SCN2A: variants seen among roughly 807,000 people sequenced by gnomAD.
SCN2A encodes sodium voltage-gated channel alpha subunit 2.
SCN2A carries 20 observed loss-of-function variants against 188.7 expected under a neutral mutation model. That is an observed-to-expected ratio of 0.11 (90% CI 0.07 to 0.15). The LOEUF (loss-of-function observed/expected upper bound fraction) is 0.15. SCN2A is among the 10% of genes least tolerant of loss of function. SCN2A has a pLI of 1.00. For missense variants in SCN2A, 1,278 were observed against 2,445.0 expected, an observed-to-expected ratio of 0.52 and a Z score of 10.07; for synonymous variants, 804 against 833.1, an observed-to-expected ratio of 0.97 and a Z score of 0.60.
intron 1 of SCN2A, among the ~76,000 whole-genome samples, chr2:165,256,840 A>G (rs986577610): frequency 2.6e-5 from 4 of 152,170 alleles, no homozygotes; most frequent in African/African-American, 9.7e-5. Flanking sequence ...AAGATACTCT[A>G]TGCTGTATAA....
At chr2:165,256,673 GCTAA>G (rs1339820649) in intron 1 of SCN2A, among the ~76,000 whole-genome samples, 2 of 152,098 alleles carry the variant, frequency 1.3e-5, no homozygotes, top group South Asian at 2.1e-4. Flanking sequence ...GGACTCCCTT[GCTAA>G]CTGTCAGCTT....
chr2:165,291,572 C>CTCTCTCT (rs1553563652), intron 1 of SCN2A, among the ~76,000 whole-genome samples: 2 of 66,214 alleles, frequency 3.0e-5, no homozygotes, highest in African/African-American at 9.5e-5. Flanking sequence ...TTCCTTCCTT[C>CTCTCTCT]CTTTCTCTCT....
intron 16 of SCN2A, among the ~76,000 whole-genome samples, chr2:165,351,179 C>A (rs899981328): frequency 6.6e-6 from 1 of 152,252 alleles, no homozygotes; most frequent in East Asian, 1.9e-4. Flanking sequence ...ATGTGCTCCT[C>A]TATGTCAAGT....
At chr2:165,370,842 A>G (rs1416578616) in intron 20 of SCN2A, 1 of 157,114 alleles carries the variant, frequency 6.4e-6, no homozygotes, top group African/African-American at 2.4e-5. Context: ...AATAAGATAG[A>G]GTACTAAAAT....
intron 6 of SCN2A, 23 bp downstream of exon 6, chr2:165,309,466 A>C (rs772333935): frequency 1.2e-6 from 2 of 1,613,170 alleles, no homozygotes; most frequent in South Asian, 2.2e-5. Flanking sequence ...TTAAACACCG[A>C]GGCTGACTTT....
At chr2:165,377,447 A>C in intron 22 of SCN2A, 150 bp from the exon 23 acceptor site, 1 of 620,832 alleles carries the variant, frequency 1.6e-6, no homozygotes. Flanking sequence ...TGCATATCGC[A>C]AAACATTGCC....
chr2:165,336,216 T>C (rs1391561264), intron 14 of SCN2A, among the ~76,000 whole-genome samples: 1 of 151,868 alleles, frequency 6.6e-6, no homozygotes, highest in Non-Finnish European at 1.5e-5. Flanking sequence ...TGGGGTAGAG[T>C]TACCACATGA....
At chr2:165,291,462 C>CTT (rs766303031) in intron 1 of SCN2A, among the ~76,000 whole-genome samples, 1 of 34,498 alleles carries the variant, frequency 2.9e-5, no homozygotes, top group Non-Finnish European at 7.2e-5. Context: ...TTCTTTCTTT[C>CTT]TTTCTTTCTT....
chr2:165,342,691 T>A (rs1213052531), intron 15 of SCN2A, among the ~76,000 whole-genome samples: 1 of 152,200 alleles, frequency 6.6e-6, no homozygotes. Context: ...AGTTATTGAA[T>A]GGAAGGCTAA....
chr2:165,321,733 A>G (rs1480263765), intron 11 of SCN2A, among the ~76,000 whole-genome samples: 2 of 152,202 alleles, frequency 1.3e-5, no homozygotes, highest in Non-Finnish European at 2.9e-5. Context: ...AACTGCCACT[A>G]TGATTCAACT....
intron 17 of SCN2A, among the ~76,000 whole-genome samples, chr2:165,356,930 G>A (rs575308206): frequency 6.6e-6 from 1 of 152,260 alleles, no homozygotes; most frequent in South Asian, 2.1e-4. Flanking sequence ...TGTGAATTCA[G>A]TATTTCAGAA....
At position 165,313,902 on chromosome 2, in the gene SCN2A, A is replaced by G; in HGVS notation, c.1177A>G (p.Thr393Ala). 2 of 1,613,790 alleles carry G rather than the reference A, an allele frequency of 1.2e-6. No individual in the cohort carries two copies. Among genetic ancestry groups the G allele is most frequent in the Non-Finnish European group, 1.7e-6 (2 of 1,179,754 alleles). Reference protein sequence around the residue: ...QDFWENLYQLTLRAAGKTYMI... With the variant: ...QDFWENLYQLALRAAGKTYMI... ...TTAAAATCTCTCTTCCATTTTGCAG[A>G]CACTACGTGCTGCTGGGAAAACGTA... The change falls in exon 10 of 27, where the codon ACA becomes GCA. Residue 393 changes from threonine (T) to alanine (A), a missense_variant and splice_region_variant. This residue lies in a region of SCN2A where 42 missense variants were observed against 137.3 expected (regional missense o/e 0.31). Transcript: ENST00000375437.
chr2:165,361,969 A>G (rs1700480996), intron 17 of SCN2A, among the ~76,000 whole-genome samples: 1 of 152,048 alleles, frequency 6.6e-6, no homozygotes, highest in Admixed American at 6.6e-5. Flanking sequence ...CAATTAAGAG[A>G]AAATATTGTG....
chr2:165,307,706 A>T (rs1239570022), intron 3 of SCN2A, 142 bp from the exon 4 acceptor site: 3 of 259,354 alleles, frequency 1.2e-5, no homozygotes, highest in Non-Finnish European at 2.1e-5. Flanking sequence ...TAGAAATGGC[A>T]AAAAAAAGGG....
intron 1 of SCN2A, among the ~76,000 whole-genome samples, chr2:165,276,303 A>G (rs1318800928): frequency 6.6e-6 from 1 of 152,210 alleles, no homozygotes. Context: ...CTCCCTAAAA[A>G]TACAAACGCA....
intron 21 of SCN2A, among the ~76,000 whole-genome samples, chr2:165,374,039 A>T (rs1309826482): frequency 1.3e-5 from 2 of 152,136 alleles, no homozygotes; most frequent in East Asian, 3.9e-4. Context: ...TAGTGATACT[A>T]GCTCATATTT....
intron 1 of SCN2A, among the ~76,000 whole-genome samples, chr2:165,283,417 TGAG>T (rs1027686020): frequency 5.9e-5 from 9 of 152,124 alleles, no homozygotes; most frequent in African/African-American, 2.2e-4. Flanking sequence ...TAAATGAATA[TGAG>T]GAGAGATGTA....
intron 15 of SCN2A, among the ~76,000 whole-genome samples, chr2:165,343,910 C>T (rs988102058): frequency 6.6e-6 from 1 of 152,152 alleles, no homozygotes; most frequent in Non-Finnish European, 1.5e-5. Flanking sequence ...TTAAAACAAT[C>T]TAAAGACAAA....
chr2:165,291,035 C>CTTTTT (rs55979694), intron 1 of SCN2A, among the ~76,000 whole-genome samples: 929 of 79,936 alleles, frequency 0.012, 1 homozygote, highest in East Asian at 0.02. Flanking sequence ...TCTTTTCTTT[C>CTTTTT]TTTTTTTTTT....
Sources: gnomAD v4.1 joint callset for allele counts (sites outside exome capture counted in the v4.1 genomes callset) on GRCh38, gnomAD v4.1.1 for gene constraint, gnomAD v4.1.1 regional missense constraint, MANE v1.5 for transcripts, NCBI Gene and HGNC (gene_info 2026-07-23, HGNC 2026-07-21) for gene names.